Variants in TSNARE1 observed in about 807,000 individuals in gnomAD.
TSNARE1 encodes t-SNARE domain-containing protein 1.
Under a neutral mutation model 62.0 loss-of-function variants are expected in TSNARE1, and 49 were observed. That is an observed-to-expected ratio of 0.79 (90% CI 0.63 to 1.00). The LOEUF (loss-of-function observed/expected upper bound fraction) is 1.00. Ranked by LOEUF, TSNARE1 falls within the 50% of genes least tolerant of loss-of-function variation. The pLI is 0.00. For synonymous variants in TSNARE1, 328 were observed against 294.4 expected (o/e 1.11, Z -1.17); for missense variants, 755 against 700.1 (o/e 1.08, Z -0.88).
chr8:142,252,474 G>A (rs543122878), intron 12 of TSNARE1, among the ~76,000 whole-genome samples: 1 of 152,330 alleles, frequency 6.6e-6, no homozygotes, highest in South Asian at 2.1e-4. Flanking sequence ...TGGTGCTGCC[G>A]GCGACAGTGG....
chr8:142,260,093 TC>T (rs1237021715), intron 12 of TSNARE1, among the ~76,000 whole-genome samples: 1 of 151,778 alleles, frequency 6.6e-6, no homozygotes, highest in African/African-American at 2.4e-5. Context: ...CCAGGAAGCC[TC>T]CCTTGATTCC....
chr8:142,242,395 A>G (rs187945289), intron 12 of TSNARE1, among the ~76,000 whole-genome samples: 60 of 152,362 alleles, frequency 3.9e-4, no homozygotes, highest in African/African-American at 1.4e-3. Flanking sequence ...ATGAGCTACA[A>G]AAGCAAAAAT....
intron 10 of TSNARE1, among the ~76,000 whole-genome samples, chr8:142,288,415 G>A (rs533419781): frequency 4.7e-4 from 72 of 152,376 alleles, no homozygotes; most frequent in African/African-American, 1.6e-3. Flanking sequence ...GGGCACAGAT[G>A]GCCTGCATTC....
In TSNARE1 at chr8:142,354,710, G is replaced by A. The variant is rs763167803; in HGVS notation, c.15C>T (p.Ser5=). The change falls in exon 2 of 14, where the codon TCC becomes TCT. Residue 5 remains serine, a synonymous_variant. Transcript: ENST00000524325. MSYG[S]IARGGGLGSR... The stretch of plus-strand genomic sequence containing the variant: ...TCCCCAGGCCACCTCCACGGGCGAT[G>A]GATCCGTATGACATCTTCTTACAGA... 2 of 1,613,458 alleles carry A rather than the reference G, an allele frequency of 1.2e-6. No individual in the cohort carries two copies. The highest frequency in any genetic ancestry group is 4.5e-5 in the East Asian group (2 of 44,842).
At chr8:142,390,128 G>A (rs1172541576) in intron 1 of TSNARE1, among the ~76,000 whole-genome samples, 1 of 152,256 alleles carries the variant, frequency 6.6e-6, no homozygotes, top group African/African-American at 2.4e-5. Flanking sequence ...AACTGTATAG[G>A]GCACTTACCA....
At chr8:142,287,771 G>A (rs1439742185) in intron 10 of TSNARE1, among the ~76,000 whole-genome samples, 10 of 144,884 alleles carry the variant, frequency 6.9e-5, no homozygotes, top group Non-Finnish European at 1.4e-4. Flanking sequence ...CCAGGACCCC[G>A]GCCAGATCTC....
At chr8:142,223,140 AC>A (rs1816534575) in intron 13 of TSNARE1, among the ~76,000 whole-genome samples, 1 of 75,214 alleles carries the variant, frequency 1.3e-5, no homozygotes, top group Non-Finnish European at 2.9e-5. Context: ...TCACTCATTC[AC>A]TCATCCACTC....
chr8:142,334,757 G>A (rs13264307), intron 4 of TSNARE1, among the ~76,000 whole-genome samples: 24,067 of 152,030 alleles, frequency 0.16, 2,023 homozygotes, highest in East Asian at 0.3. Flanking sequence ...TGATCCTTTC[G>A]TCAGAAACTG....
Position 142,291,031 on chromosome 8 carries a change from G to A in TSNARE1, c.1291-6546C>T, listed in dbSNP as rs1056447490. Among the ~76,000 whole-genome samples the A allele has an allele frequency of 1.3e-5, 2 of 152,174 alleles. No individual in the cohort carries two copies. The highest frequency in any genetic ancestry group is 3.2e-3 in the Middle Eastern group (1 of 316). ...GCCTGCTGCACGCTGGCAGTGGACTGAAGGGCACGCGCCTGTTCCCTCCAA... is the reference window on the plus strand; with the variant it reads ...GCCTGCTGCACGCTGGCAGTGGACTAAAGGGCACGCGCCTGTTCCCTCCAA... On this transcript the variant is annotated intron_variant, in intron 10 of 13. Transcript: ENST00000524325. The surrounding 1 kb of genome is among the most constrained non-coding windows in gnomAD (Gnocchi z 4.8).
Position 142,345,641 on chromosome 8 carries a change from C to T in TSNARE1, c.238+102G>A, listed in dbSNP as rs1020888336. The T allele has an allele frequency of 7.3e-6, 10 of 1,376,536 alleles. 1 individual carries two copies. In the South Asian group the frequency reaches 1.1e-4, roughly 15 times the overall value. The allele number at this position is 1,376,536 out of a possible 1,614,324, so 85.3% of individuals were successfully genotyped here. Reference sequence around the variant, plus strand: ...AGGTCCCTTGCCTCCTGGTCCCAGCCTCCTCCCTGCAGCTCCCACCTGCTG... The same window carrying T: ...AGGTCCCTTGCCTCCTGGTCCCAGCTTCCTCCCTGCAGCTCCCACCTGCTG... On this transcript the variant is annotated intron_variant, in intron 3 of 13. Transcript: ENST00000524325.
intron 1 of TSNARE1, among the ~76,000 whole-genome samples, chr8:142,374,850 C>T (rs2131097766): frequency 6.6e-6 from 1 of 152,256 alleles, no homozygotes; most frequent in East Asian, 1.9e-4. Context: ...GCCTGGGGAA[C>T]AGGCGCTGGC....
At chr8:142,278,535 G>A (rs1441727978) in intron 11 of TSNARE1, 10 of 985,370 alleles carry the variant, frequency 1.0e-5, no homozygotes, top group South Asian at 4.7e-5. Flanking sequence ...CGGCGAAGGA[G>A]CTCCTGGCAC....
chr8:142,337,486 T>C (rs1390512831), intron 4 of TSNARE1, among the ~76,000 whole-genome samples: 1 of 152,274 alleles, frequency 6.6e-6, no homozygotes, highest in Non-Finnish European at 1.5e-5. Flanking sequence ...AAGACATGCC[T>C]GCCGCCCAGC....
chr8:142,230,741 T>C lies in TSNARE1; in HGVS notation c.1447-1162A>G, dbSNP rs549964223. The stretch of plus-strand genomic sequence containing the variant: ...TTACCCCTCTGGGTCATCAGTTAAA[T>C]GTTGGGATGAAAATCCATTAATGCA... On this transcript the variant is annotated intron_variant, in intron 12 of 13. Coordinates refer to ENST00000524325, the MANE Select transcript of TSNARE1 (RefSeq NM_145003.5). Among the ~76,000 whole-genome samples the C allele has an allele frequency of 2.0e-5, 3 of 152,132 alleles. No individual in the cohort carries two copies. In the South Asian group the frequency reaches 6.2e-4, roughly 32 times the overall value.
intron 1 of TSNARE1, among the ~76,000 whole-genome samples, chr8:142,377,240 C>T (rs1274735751): frequency 6.6e-6 from 1 of 152,100 alleles, no homozygotes; most frequent in Non-Finnish European, 1.5e-5. Context: ...GACTAAAGGG[C>T]TACATCACTT....
At chr8:142,232,413 T>C (rs1386514389) in intron 12 of TSNARE1, among the ~76,000 whole-genome samples, 1 of 152,218 alleles carries the variant, frequency 6.6e-6, no homozygotes, top group Non-Finnish European at 1.5e-5. Flanking sequence ...TGGTCCCAGG[T>C]CAGGCCTGTC....
intron 2 of TSNARE1, among the ~76,000 whole-genome samples, chr8:142,351,675 G>T (rs1586969160): frequency 1.3e-5 from 2 of 152,270 alleles, no homozygotes; most frequent in African/African-American, 2.4e-5. Flanking sequence ...AGAAAAATAA[G>T]AAGGGCACTT....
intron 13 of TSNARE1, among the ~76,000 whole-genome samples, chr8:142,227,502 C>A (rs111300090): frequency 6.6e-6 from 1 of 150,828 alleles, no homozygotes. Flanking sequence ...TGCCCATAAC[C>A]CCAGTGACAG....
chr8:142,373,803 G>A (rs1217760278), intron 1 of TSNARE1, among the ~76,000 whole-genome samples: 1 of 152,130 alleles, frequency 6.6e-6, no homozygotes, highest in African/African-American at 2.4e-5. Context: ...GAGGCAAGCA[G>A]GCACACACAG....
Sources: allele counts gnomAD v4.1 joint callset (sites outside exome capture counted in the v4.1 genomes callset), GRCh38; gene constraint gnomAD v4.1.1; non-coding constraint Gnocchi (gnomAD v3.1); transcripts MANE v1.5; gene names NCBI Gene and HGNC (gene_info 2026-07-23, HGNC 2026-07-21).